Variants in CCDC6 observed in about 807,000 individuals in gnomAD.
CCDC6 encodes the protein coiled-coil domain containing 6, also known as coiled-coil domain-containing protein 6.
In CCDC6, 20 loss-of-function variants were observed where a neutral mutation model predicts 56.6. The ratio of observed to expected loss-of-function variants is 0.35; its 90% CI spans 0.25 to 0.51. The LOEUF (loss-of-function observed/expected upper bound fraction) is 0.51, where lower values mean the gene tolerates loss of function less well. CCDC6 is among the 20% of genes least tolerant of loss of function. CCDC6 has a pLI of 0.95. For missense variants in CCDC6, 367 were observed against 601.1 expected (o/e 0.61, Z 4.07); for synonymous variants, 241 against 234.4 (o/e 1.03, Z -0.26).
intron 1 of CCDC6, among the ~76,000 whole-genome samples, chr10:59,886,282 G>A (rs1339549405): frequency 6.6e-6 from 1 of 152,054 alleles, no homozygotes; most frequent in Non-Finnish European, 1.5e-5. Flanking sequence ...GGAAGAAGGA[G>A]GCTACAATAA....
intron 1 of CCDC6, among the ~76,000 whole-genome samples, chr10:59,872,292 C>T (rs1252777659): frequency 6.6e-6 from 1 of 152,206 alleles, no homozygotes; most frequent in African/African-American, 2.4e-5. Flanking sequence ...CAGTCTGAGG[C>T]TGTGCTAGCT....
chr10:59,835,257 A>T (rs34568290), intron 2 of CCDC6, among the ~76,000 whole-genome samples: 2,650 of 152,316 alleles, frequency 0.017, 30 homozygotes, highest in Middle Eastern at 0.044. Context: ...TCTAACATTG[A>T]AAAATCTCTT....
rs113265203 is a variant in CCDC6 at position 59,805,805 on chromosome 10, A to G, written c.1004+1117T>C. ...TTCCTTTTTTTCTCATTATAAAAAT[A>G]TAGACTTTCATTATAGATAATCTTA... On this transcript the variant is annotated intron_variant, in intron 6 of 8. Transcript: ENST00000263102. Among the ~76,000 whole-genome samples, 187 of 152,358 alleles carry G rather than the reference A, an allele frequency of 1.2e-3. 2 individuals carry two copies. The highest frequency in any genetic ancestry group is 4.3e-3 in the African/African-American group (180 of 41,592).
At chr10:59,870,003 A>C (rs892943992) in intron 1 of CCDC6, among the ~76,000 whole-genome samples, 1 of 152,162 alleles carries the variant, frequency 6.6e-6, no homozygotes, top group East Asian at 1.9e-4. Flanking sequence ...CTCAGCCATC[A>C]AACCTAAAGA....
chr10:59,793,160 C>T, intron 8 of CCDC6, 49 bp from the exon 9 acceptor site: 1 of 1,487,450 alleles, frequency 6.7e-7, no homozygotes, highest in Non-Finnish European at 9.3e-7. Context: ...AGGTGGATCT[C>T]ATTCTACCTA....
intron 2 of CCDC6, among the ~76,000 whole-genome samples, chr10:59,846,280 G>C (rs2070990750): frequency 6.6e-6 from 1 of 152,204 alleles, no homozygotes; most frequent in South Asian, 2.1e-4. Context: ...CAGATGAACA[G>C]GCAGATCTGG....
chr10:59,830,809 TC>T (rs988522275), intron 3 of CCDC6, among the ~76,000 whole-genome samples: 2 of 152,096 alleles, frequency 1.3e-5, no homozygotes. Flanking sequence ...GGCCACTACC[TC>T]CCCCTTGTGG....
chr10:59,898,632 G>C (rs1350794809), intron 1 of CCDC6, among the ~76,000 whole-genome samples: 2 of 152,188 alleles, frequency 1.3e-5, no homozygotes, highest in African/African-American at 2.4e-5. Context: ...CCAGGGCCAG[G>C]CTGAATGAAA....
At chr10:59,855,523 G>GCC (rs759948753) in intron 1 of CCDC6, among the ~76,000 whole-genome samples, 11 of 152,196 alleles carry the variant, frequency 7.2e-5, no homozygotes, top group Non-Finnish European at 1.3e-4. Context: ...CCAAGATCGT[G>GCC]CCACTGCACT....
intron 1 of CCDC6, among the ~76,000 whole-genome samples, chr10:59,864,513 G>A (rs1441326534): frequency 6.6e-6 from 1 of 152,184 alleles, no homozygotes; most frequent in African/African-American, 2.4e-5. Context: ...TAACCCTGAT[G>A]ATTGTTCTGC....
At chr10:59,841,662 GT>G (rs537645567) in intron 2 of CCDC6, among the ~76,000 whole-genome samples, 2 of 149,600 alleles carry the variant, frequency 1.3e-5, no homozygotes, top group Admixed American at 1.3e-4. Flanking sequence ...TCCGTGTCTT[GT>G]TTTTTTTGTT....
chr10:59,830,124 A>G (rs1035363126), intron 3 of CCDC6, among the ~76,000 whole-genome samples: 6 of 152,208 alleles, frequency 3.9e-5, no homozygotes, highest in Admixed American at 3.3e-4. Context: ...AGCATATGTG[A>G]TAACTGCCTT....
chr10:59,802,339 G>A (rs2132625265), intron 7 of CCDC6, among the ~76,000 whole-genome samples: 1 of 152,280 alleles, frequency 6.6e-6, no homozygotes, highest in Admixed American at 6.5e-5. Context: ...GAGCCAATAT[G>A]TTTAAAATGG....
intron 2 of CCDC6, among the ~76,000 whole-genome samples, chr10:59,847,288 C>T (rs887276056): frequency 2.8e-5 from 3 of 105,816 alleles, no homozygotes; most frequent in Non-Finnish European, 5.6e-5. Context: ...CTCCTGACCT[C>T]GTGATCCGCC....
At chr10:59,807,788 A>G (rs1316323873) in intron 5 of CCDC6, among the ~76,000 whole-genome samples, 2 of 152,106 alleles carry the variant, frequency 1.3e-5, no homozygotes, top group African/African-American at 4.8e-5. Flanking sequence ...GCTCTGCTCT[A>G]GACACCAGTT....
chr10:59,860,198 CTG>C (rs771220931), intron 1 of CCDC6, among the ~76,000 whole-genome samples: 2 of 152,176 alleles, frequency 1.3e-5, no homozygotes, highest in Non-Finnish European at 1.5e-5. Flanking sequence ...CAAAACTGGT[CTG>C]TGTGTGATGC....
chr10:59,804,638 G>A, intron 6 of CCDC6, 118 bp from the exon 7 acceptor site: 2 of 676,628 alleles, frequency 3.0e-6, no homozygotes, highest in East Asian at 2.7e-5. Context: ...AATGTTTAGA[G>A]TGATGTTATA....
intron 2 of CCDC6, among the ~76,000 whole-genome samples, chr10:59,847,104 G>A (rs991849207): frequency 1.3e-5 from 2 of 151,942 alleles, no homozygotes; most frequent in Non-Finnish European, 2.9e-5. Context: ...CCAGGATGGA[G>A]TGCAGTGGCG....
In CCDC6 at chr10:59,862,556, C is replaced by T. The variant is rs1450741692; in HGVS notation, c.304-9854G>A. ...ACACACACACACACACACACACACACATATATATACACATACACACACACA... is the reference window on the plus strand; with the variant it reads ...ACACACACACACACACACACACACATATATATATACACATACACACACACA... On this transcript the variant is annotated intron_variant, in intron 1 of 8. Transcript: ENST00000263102. Among the ~76,000 whole-genome samples, 433 of 104,806 alleles carry T rather than the reference C, an allele frequency of 4.1e-3. 4 individuals are homozygous for T. Among genetic ancestry groups the T allele is most frequent in the East Asian group, 0.014 (51 of 3,548 alleles). 68.8% of individuals were successfully genotyped at this position (104,806 alleles called of 152,430 possible).
Sources: gnomAD v4.1 joint callset for allele counts (sites outside exome capture counted in the v4.1 genomes callset) on GRCh38, gnomAD v4.1.1 for gene constraint, MANE v1.5 for transcripts, NCBI Gene and HGNC (gene_info 2026-07-23, HGNC 2026-07-21) for gene names.